The following OSBPL1A variants were observed in gnomAD, a reference collection of about 807,000 sequenced individuals.
OSBPL1A encodes the protein oxysterol binding protein like 1A.
Under a neutral mutation model 137.1 loss-of-function variants are expected in OSBPL1A, and 80 were observed. The ratio of observed to expected loss-of-function variants is 0.58; its 90% CI spans 0.49 to 0.70. The LOEUF (loss-of-function observed/expected upper bound fraction) is 0.70, where lower values mean the gene tolerates loss of function less well. Ranked by LOEUF, OSBPL1A falls within the 30% of genes least tolerant of loss-of-function variation. The pLI, the probability that OSBPL1A is intolerant of heterozygous loss-of-function variation, is 0.00. For synonymous variants in OSBPL1A, 365 were observed against 389.7 expected, an observed-to-expected ratio of 0.94 and a Z score of 0.75; for missense variants, 970 against 1,129.4, an observed-to-expected ratio of 0.86 and a Z score of 2.02.
intron 7 of OSBPL1A, among the ~76,000 whole-genome samples, chr18:24,321,932 A>T (rs1599665104): frequency 6.6e-6 from 1 of 151,940 alleles, no homozygotes; most frequent in Non-Finnish European, 1.5e-5. Context: ...GATTTTTTTT[A>T]AAAAGGTCAC....
At position 24,391,444 on chromosome 18, in the gene OSBPL1A, A is replaced by C. The variant is rs115686903; in HGVS notation, c.-3+6211T>G. The stretch of plus-strand genomic sequence containing the variant: ...CACTTAACAATGGCTAAAACAGGCC[A>C]GGTGTGATGGCTCATGCCTGTAATC... On this transcript the variant is annotated intron_variant, in intron 1 of 27. Transcript: ENST00000319481. Among the ~76,000 whole-genome samples, 655 of 152,010 alleles carry C rather than the reference A, an allele frequency of 4.3e-3. 5 individuals are homozygous for C. The highest frequency in any genetic ancestry group is 0.015 in the African/African-American group (630 of 41,460).
rs891136591 is a variant in OSBPL1A, at chr18:24,377,669, C to A, written c.-2-134G>T. 7.7e-6 allele frequency: 7 copies of A among 910,646 alleles called. No individual in the cohort carries two copies. In the African/African-American group the frequency reaches 1.0e-4, roughly 13 times the overall value. The allele number at this position is 910,646 out of a possible 1,614,324, so 56.4% of individuals were successfully genotyped here. ...GACAGACACAACAACTGAATAAATC[C>A]GTTGCAGGGTGAGAACTTGAGCCTG... On this transcript the variant is annotated intron_variant, in intron 1 of 27. Coordinates refer to ENST00000319481, the MANE Select transcript of OSBPL1A (RefSeq NM_080597.4).
intron 24 of OSBPL1A, among the ~76,000 whole-genome samples, chr18:24,167,887 T>A (rs1276322081): frequency 6.6e-6 from 1 of 152,210 alleles, no homozygotes; most frequent in African/African-American, 2.4e-5. Flanking sequence ...ACACTGTGAC[T>A]TTCTAATTCT....
At chr18:24,351,352 A>AAAAAAAAAAAAAAAAAAG (rs2091437102) in intron 4 of OSBPL1A, among the ~76,000 whole-genome samples, 1 of 149,242 alleles carries the variant, frequency 6.7e-6, no homozygotes, top group Admixed American at 6.7e-5. Flanking sequence ...TGTCTCAAAA[A>AAAAAAAAAAAAAAAAAAG]AAAAAAAAAA....
chr18:24,385,774 GGGATAAAAA>G (rs1353276475), intron 1 of OSBPL1A, among the ~76,000 whole-genome samples: 2 of 152,168 alleles, frequency 1.3e-5, no homozygotes, highest in Non-Finnish European at 2.9e-5. Context: ...GAGTGAATGG[GGGATAAAAA>G]GGAGACTGCA....
intron 15 of OSBPL1A, among the ~76,000 whole-genome samples, chr18:24,247,217 G>A (rs1200580127): frequency 6.6e-6 from 1 of 152,152 alleles, no homozygotes; most frequent in African/African-American, 2.4e-5. Context: ...AGTTGTGTGT[G>A]GTGTCTTGGA....
intron 27 of OSBPL1A, among the ~76,000 whole-genome samples, chr18:24,164,671 G>A (rs1462031101): frequency 5.9e-5 from 9 of 151,642 alleles, no homozygotes; most frequent in Non-Finnish European, 1.0e-4. Context: ...CTCATGATCC[G>A]CCCGCCTCGG....
intron 15 of OSBPL1A, 138 bp downstream of exon 15, chr18:24,280,704 T>G: frequency 2.1e-6 from 1 of 484,638 alleles, no homozygotes; most frequent in Non-Finnish European, 3.5e-6. Context: ...GTTCTAAATT[T>G]TTGTGACAAA....
chr18:24,209,224 T>C (rs117697780), intron 17 of OSBPL1A, among the ~76,000 whole-genome samples: 4 of 152,282 alleles, frequency 2.6e-5, no homozygotes, highest in Non-Finnish European at 5.9e-5. Context: ...AAAGAATTAC[T>C]ACAAATCAAT....
chr18:24,246,178 C>CTCCA lies in OSBPL1A; in HGVS notation c.1282-6800_1282-6797dup, dbSNP rs1451416573. Among the ~76,000 whole-genome samples the CTCCA allele has an allele frequency of 8.5e-5, 13 of 152,124 alleles. No homozygotes were observed. In the East Asian group the frequency reaches 1.7e-3, roughly 20 times the overall value. On this transcript the variant is annotated intron_variant, in intron 15 of 27. Coordinates refer to ENST00000319481, the MANE Select transcript of OSBPL1A (RefSeq NM_080597.4). Reference sequence around the variant, plus strand: ...AGTGAGCCAAGATCACACCACTGCACTCCAGCCTGGGCAACAAGAGCGAAA... The same window carrying CTCCA: ...AGTGAGCCAAGATCACACCACTGCACTCCATCCAGCCTGGGCAACAAGAGCGAAA...
At chr18:24,321,458 G>A (rs182069149) in intron 7 of OSBPL1A, among the ~76,000 whole-genome samples, 3 of 152,248 alleles carry the variant, frequency 2.0e-5, no homozygotes, top group Admixed American at 6.5e-5. Context: ...CATCACACCT[G>A]GCTAATTTTT....
At chr18:24,205,307 A>G (rs1375778583) in intron 17 of OSBPL1A, among the ~76,000 whole-genome samples, 1 of 152,208 alleles carries the variant, frequency 6.6e-6, no homozygotes, top group Non-Finnish European at 1.5e-5. Context: ...AGTGTTTCAT[A>G]TGGCCGTGGT....
chr18:24,233,062 T>C (rs1300500101), intron 16 of OSBPL1A, among the ~76,000 whole-genome samples: 2 of 152,136 alleles, frequency 1.3e-5, no homozygotes, highest in Non-Finnish European at 2.9e-5. Flanking sequence ...AAAAGGAAAA[T>C]GAACACACAG....
intron 1 of OSBPL1A, among the ~76,000 whole-genome samples, chr18:24,384,343 G>T (rs140181399): frequency 0.059 from 9,046 of 152,240 alleles, 460 homozygotes; most frequent in South Asian, 0.15. Flanking sequence ...GGAGGCCAAG[G>T]TGGGCAGATC....
chr18:24,376,889 A>G (rs2146204584), intron 2 of OSBPL1A, among the ~76,000 whole-genome samples: 1 of 152,304 alleles, frequency 6.6e-6, no homozygotes, highest in Admixed American at 6.5e-5. Context: ...GGGCCCACCA[A>G]GCCCACGCCC....
chr18:24,348,329 T>G (rs1011124829), intron 4 of OSBPL1A, among the ~76,000 whole-genome samples: 2 of 152,250 alleles, frequency 1.3e-5, no homozygotes, highest in South Asian at 4.1e-4. Context: ...AACATTTACT[T>G]GTATCAGACA....
intron 14 of OSBPL1A, among the ~76,000 whole-genome samples, chr18:24,298,612 T>C (rs1302121393): frequency 6.6e-6 from 1 of 152,234 alleles, no homozygotes; most frequent in Non-Finnish European, 1.5e-5. Flanking sequence ...CCCAAAGTGC[T>C]GGGATTACAG....
At chr18:24,230,636 T>A (rs1267902829) in intron 16 of OSBPL1A, among the ~76,000 whole-genome samples, 1 of 152,222 alleles carries the variant, frequency 6.6e-6, no homozygotes, top group East Asian at 1.9e-4. Context: ...TATACATAGC[T>A]AGACTTCAGA....
chr18:24,375,837 T>A (rs766949771), intron 2 of OSBPL1A, among the ~76,000 whole-genome samples: 1 of 151,944 alleles, frequency 6.6e-6, no homozygotes, highest in Non-Finnish European at 1.5e-5. Context: ...GAAAAAAAAA[T>A]TATCATAGTG....
Sources: gnomAD v4.1 joint callset for allele counts (sites outside exome capture counted in the v4.1 genomes callset) on GRCh38, gnomAD v4.1.1 for gene constraint, MANE v1.5 for transcripts, NCBI Gene and HGNC (gene_info 2026-07-23, HGNC 2026-07-21) for gene names.